Variants in SRR observed in about 807,000 individuals in gnomAD.
SRR encodes D-serine ammonia-lyase.
In SRR, 19 loss-of-function variants were observed where a neutral mutation model predicts 32.7. The ratio of observed to expected loss-of-function variants is 0.58; its 90% CI spans 0.40 to 0.85. SRR has a LOEUF of 0.85. SRR is among the 40% of genes least tolerant of loss of function. The pLI, the probability that SRR is intolerant of heterozygous loss-of-function variation, is 0.00. For missense variants in SRR, 373 were observed against 404.7 expected, an observed-to-expected ratio of 0.92 and a Z score of 0.67; for synonymous variants, 142 against 140.9, an observed-to-expected ratio of 1.01 and a Z score of -0.06.
At chr17:2,320,647 C>T (rs1177072123) in intron 4 of SRR, among the ~76,000 whole-genome samples, 4 of 151,922 alleles carry the variant, frequency 2.6e-5, no homozygotes, top group South Asian at 2.1e-4. Context: ...CTGCAGCCTC[C>T]GCTTCCTGGG....
intron 6 of SRR, 73 bp from the exon 7 acceptor site, chr17:2,323,063 C>A: frequency 1.4e-6 from 2 of 1,480,904 alleles, no homozygotes; most frequent in South Asian, 1.2e-5. Context: ...CCACACCAGG[C>A]CCATATTTTC....
intron 7 of SRR, 74 bp from the exon 8 acceptor site, chr17:2,323,581 T>C: frequency 6.8e-7 from 1 of 1,478,212 alleles, no homozygotes; most frequent in South Asian, 1.2e-5. Context: ...TGGACACGTA[T>C]TCTCATCTGA....
In SRR at chr17:2,315,684, C is replaced by A. The variant is rs1311822146; in HGVS notation, c.124C>A (p.Leu42Ile). 1 of 1,613,940 alleles carries A rather than the reference C, an allele frequency of 6.2e-7. No individual in the cohort carries two copies. Among genetic ancestry groups the A allele is most frequent in the East Asian group, 2.2e-5 (1 of 44,888 alleles). ...SILNQLTGRNLFFKCELFQKT... is the reference protein window; with the variant it reads ...SILNQLTGRNIFFKCELFQKT... ...TTTGAATCAACTAACAGGGCGCAAT[C>A]TTTTCTTCAAATGTGAACTCTTCCA... The change falls in exon 2 of 8, where the codon CTT becomes ATT. Residue 42 changes from leucine (L) to isoleucine (I), a missense_variant. Transcript: ENST00000344595.
chr17:2,308,856 T>A (rs1295018275), intron 1 of SRR, among the ~76,000 whole-genome samples: 1 of 151,482 alleles, frequency 6.6e-6, no homozygotes, highest in Non-Finnish European at 1.5e-5. Flanking sequence ...TGGTGGCTCA[T>A]ACCTGTAATC....
At chr17:2,320,464 C>T (rs1211629017) in intron 4 of SRR, among the ~76,000 whole-genome samples, 1 of 150,682 alleles carries the variant, frequency 6.6e-6, no homozygotes, top group African/African-American at 2.4e-5. Flanking sequence ...CCATATTGGC[C>T]AGGCTGGTCT....
chr17:2,306,690 C>T, intron 1 of SRR: 2 of 480,066 alleles, frequency 4.2e-6, no homozygotes, highest in Admixed American at 6.6e-5. Context: ...GCACTCCAGC[C>T]TGGGTGACAG....
intron 1 of SRR, 130 bp downstream of exon 1, chr17:2,304,147 C>G (rs977996801): frequency 6.3e-6 from 1 of 158,376 alleles, no homozygotes; most frequent in African/African-American, 2.4e-5. Context: ...TCAGCCTGGG[C>G]TCCTCTGGAC....
chr17:2,306,220 G>T (rs1473594294), intron 1 of SRR, among the ~76,000 whole-genome samples: 1 of 151,828 alleles, frequency 6.6e-6, no homozygotes, highest in Non-Finnish European at 1.5e-5. Context: ...GGACGCTCAG[G>T]CAGGAGAACT....
At position 2,324,135 on chromosome 17, in the gene SRR, T is replaced by C. The variant is rs1352683836; in HGVS notation, c.*262T>C. 5 of 1,505,642 alleles carry C rather than the reference T, an allele frequency of 3.3e-6. No individual in the cohort carries two copies. In the African/African-American group the frequency reaches 7.0e-5, roughly 21 times the overall value. 93.3% of individuals were successfully genotyped at this position (1,505,642 alleles called of 1,614,324 possible). On this transcript the variant is annotated 3_prime_UTR_variant, in exon 8 of 8. Transcript: ENST00000344595. ...AAAATAAACTTTGCCCAATCACAACTTGTGCCTCCCATCCCTGGAGTACTG... is the reference window on the plus strand; with the variant it reads ...AAAATAAACTTTGCCCAATCACAACCTGTGCCTCCCATCCCTGGAGTACTG...
chr17:2,308,326 C>G (rs746166948), intron 1 of SRR, among the ~76,000 whole-genome samples: 15 of 152,070 alleles, frequency 9.9e-5, no homozygotes, highest in Non-Finnish European at 2.1e-4. Flanking sequence ...GGAAAAAGAG[C>G]TGTACTTTAA....
intron 1 of SRR, chr17:2,306,908 A>T: frequency 1.0e-6 from 1 of 981,068 alleles, no homozygotes; most frequent in South Asian, 1.3e-5. Flanking sequence ...AGAGATCCAA[A>T]CACCAAGCAC....
At chr17:2,321,162 G>C in intron 4 of SRR, 144 bp from the exon 5 acceptor site, 1 of 941,860 alleles carries the variant, frequency 1.1e-6, no homozygotes, top group Non-Finnish European at 1.6e-6. Flanking sequence ...TGAGGGCAGG[G>C]ATATTTTATT....
intron 2 of SRR, among the ~76,000 whole-genome samples, chr17:2,316,522 G>T (rs933438427): frequency 6.6e-6 from 1 of 152,138 alleles, no homozygotes; most frequent in African/African-American, 2.4e-5. Flanking sequence ...GCTACACATG[G>T]ATACATTATC....
chr17:2,323,097 T>C, intron 6 of SRR, 39 bp from the exon 7 acceptor site: 1 of 1,597,294 alleles, frequency 6.3e-7, no homozygotes, highest in East Asian at 2.2e-5. Flanking sequence ...GGCAATGTTG[T>C]GGTTTGTTGT....
At chr17:2,321,273 C>T in intron 4 of SRR, 33 bp from the exon 5 acceptor site, 8 of 1,608,760 alleles carry the variant, frequency 5.0e-6, no homozygotes, top group Non-Finnish European at 6.8e-6. Context: ...CTATTAAATA[C>T]AAATCAATTA....
intron 1 of SRR, among the ~76,000 whole-genome samples, chr17:2,310,820 C>T (rs569300865): frequency 5.3e-5 from 8 of 152,080 alleles, no homozygotes; most frequent in Non-Finnish European, 1.2e-4. Context: ...GATCTTGGCT[C>T]ACTGCAAACT....
chr17:2,309,095 G>A (rs1429309831), intron 1 of SRR, among the ~76,000 whole-genome samples: 1 of 152,104 alleles, frequency 6.6e-6, no homozygotes, highest in Non-Finnish European at 1.5e-5. Flanking sequence ...TCCAGCCTGG[G>A]CAACAAGAGC....
intron 2 of SRR, among the ~76,000 whole-genome samples, chr17:2,316,508 A>G (rs974703379): frequency 6.6e-6 from 1 of 152,214 alleles, no homozygotes; most frequent in Non-Finnish European, 1.5e-5. Context: ...CACTGTATCA[A>G]CTTGCTACAC....
chr17:2,319,031 C>T (rs8081273), intron 4 of SRR, 102 bp downstream of exon 4: 301,930 of 734,066 alleles, frequency 0.41, 66,584 homozygotes, highest in East Asian at 0.69. Context: ...TGTGGTTTCC[C>T]CTTTATTTCT....
Sources: allele counts gnomAD v4.1 joint callset (sites outside exome capture counted in the v4.1 genomes callset), GRCh38; gene constraint gnomAD v4.1.1; transcripts MANE v1.5; gene names NCBI Gene and HGNC (gene_info 2026-07-23, HGNC 2026-07-21).